The following NLRP8 variants were observed in gnomAD, a reference collection of about 807,000 sequenced individuals.
NLRP8 encodes NLR family pyrin domain containing 8, also known as NACHT, LRR and PYD domains-containing protein 8.
NLRP8 carries 86 observed loss-of-function variants against 88.7 expected under a neutral mutation model. The ratio of observed to expected loss-of-function variants is 0.97; its 90% confidence interval spans 0.81 to 1.16. The LOEUF is 1.16. Among genes scored for constraint, NLRP8 ranks in the 50% most tolerant of loss-of-function variants. The pLI is 0.00. For synonymous variants in NLRP8, 504 were observed against 494.6 expected (o/e 1.02, Z -0.25); for missense variants, 1,342 against 1,286.5 (o/e 1.04, Z -0.66).
chr19:55,976,001 A>C, intron 7 of NLRP8, 132 bp from the exon 8 acceptor site: 2 of 912,880 alleles, frequency 2.2e-6, no homozygotes, highest in Non-Finnish European at 3.1e-6. Flanking sequence ...AAAAACAAAC[A>C]AACAAAACAA....
Position 55,955,420 on chromosome 19 carries a change from G to C in NLRP8, c.1362G>C (p.Leu454=). 1.2e-6 allele frequency: 2 copies of C among 1,614,224 alleles called. No individual in the cohort carries two copies. The highest frequency in any genetic ancestry group is 2.2e-5 in the South Asian group (2 of 91,086). ...TCCACCAAGCACAACTGGAAGGTCT[G>C]TGTCACTTGGCCGCAGACAGCATGT... Residue 454 remains leucine (L), a synonymous_variant, in exon 3 of 10, where the codon CTG becomes CTC. Coordinates refer to ENST00000291971, the MANE Select transcript of NLRP8 (RefSeq NM_176811.2).
chr19:55,972,511 G>A (rs1186642745), intron 6 of NLRP8, among the ~76,000 whole-genome samples: 1 of 151,830 alleles, frequency 6.6e-6, no homozygotes, highest in Non-Finnish European at 1.5e-5. Context: ...TGATTTCTGG[G>A]ATTTTTGCAC....
intron 5 of NLRP8, among the ~76,000 whole-genome samples, chr19:55,968,415 G>A (rs1282270846): frequency 6.6e-6 from 1 of 151,738 alleles, no homozygotes; most frequent in African/African-American, 2.4e-5. Context: ...CTCCAGCCTG[G>A]GCGACAGAGC....
chr19:55,973,837 G>T lies in NLRP8; in HGVS notation c.2705+15G>T, dbSNP rs563739453. 3 of 1,600,902 alleles carry T rather than the reference G, an allele frequency of 1.9e-6. No homozygotes were observed. The highest frequency in any genetic ancestry group is 2.2e-5 in the East Asian group (1 of 44,538). ...CAGAGGCTGGTGTAAGTCCCAGAAT[G>T]TTTTCTTCTCTGAATTCCCTGGAGC... On this transcript the variant is annotated intron_variant, in intron 7 of 9. Coordinates refer to ENST00000291971, the MANE Select transcript of NLRP8 (RefSeq NM_176811.2).
intron 4 of NLRP8, among the ~76,000 whole-genome samples, chr19:55,962,483 G>T (rs1180477316): frequency 2.0e-5 from 3 of 152,170 alleles, no homozygotes; most frequent in African/African-American, 7.2e-5. Context: ...TGCAGTTTTT[G>T]CCATTAGTGA....
At chr19:55,950,780 T>C (rs1386044545) in intron 1 of NLRP8, among the ~76,000 whole-genome samples, 2 of 152,080 alleles carry the variant, frequency 1.3e-5, no homozygotes, top group Non-Finnish European at 2.9e-5. Flanking sequence ...ATCCCAGCAG[T>C]CTGAAAGGCC....
At chr19:55,961,417 A>T (rs1214445824) in intron 3 of NLRP8, among the ~76,000 whole-genome samples, 3 of 152,072 alleles carry the variant, frequency 2.0e-5, no homozygotes, top group Non-Finnish European at 4.4e-5. Context: ...ATATTTTTTT[A>T]AAAAATAAGA....
chr19:55,958,223 G>T (rs935328094), intron 3 of NLRP8, among the ~76,000 whole-genome samples: 1 of 152,154 alleles, frequency 6.6e-6, no homozygotes, highest in African/African-American at 2.4e-5. Context: ...ACTGCTCTGC[G>T]AAAAGGAACC....
At chr19:55,956,285 C>T (rs1218836425) in intron 3 of NLRP8, among the ~76,000 whole-genome samples, 185 bp downstream of exon 3, 1 of 152,060 alleles carries the variant, frequency 6.6e-6, no homozygotes, top group Non-Finnish European at 1.5e-5. Context: ...ACTCTGTTGC[C>T]CAGGCTGGAG....
intron 9 of NLRP8, among the ~76,000 whole-genome samples, chr19:55,981,701 C>G (rs1980579477): frequency 6.6e-6 from 1 of 152,122 alleles, no homozygotes; most frequent in African/African-American, 2.4e-5. Flanking sequence ...AAGGAAATCA[C>G]CTCATGTTTA....
intron 5 of NLRP8, 39 bp downstream of exon 5, chr19:55,966,419 A>G: frequency 1.3e-6 from 2 of 1,596,660 alleles, no homozygotes; most frequent in Non-Finnish European, 1.7e-6. Context: ...GAACCGGGGT[A>G]CCCGGATGGT....
At chr19:55,950,028 T>G (rs1180541448) in intron 1 of NLRP8, among the ~76,000 whole-genome samples, 1 of 151,692 alleles carries the variant, frequency 6.6e-6, no homozygotes, top group Non-Finnish European at 1.5e-5. Flanking sequence ...GAAAAGAAAA[T>G]CAGAGGGGAT....
rs749602148 is a variant in NLRP8 at position 55,979,523 on chromosome 19, C to G, written c.3006C>G (p.Cys1002Trp). 2 of 1,614,026 alleles carry G rather than the reference C, an allele frequency of 1.2e-6. No individual in the cohort carries two copies. The highest frequency in any genetic ancestry group is 1.7e-6 in the Non-Finnish European group (2 of 1,180,016). Residue 1002 changes from cysteine (C) to tryptophan (W), a missense_variant, in exon 9 of 10, where the codon TGC becomes TGG. Cys to Trp is a radical substitution (Grantham distance 215). Transcript: ENST00000291971. The stretch of plus-strand genomic sequence containing the variant: ...GAGTCTATGGTATTCTGACCTTGTG[C>G]GAGGCCTTCTCAAGCCAAAAGAAGA...
At chr19:55,976,793 C>CATATATATGCAT (rs1568468249) in intron 8 of NLRP8, among the ~76,000 whole-genome samples, 3 of 23,484 alleles carry the variant, frequency 1.3e-4, no homozygotes, top group African/African-American at 6.8e-4. Context: ...TATAAAGATA[C>CATATATATGCAT]ATGTGGCCAG....
At chr19:55,987,257 C>G (rs898510809) in intron 9 of NLRP8, among the ~76,000 whole-genome samples, 1 of 152,186 alleles carries the variant, frequency 6.6e-6, no homozygotes, top group Non-Finnish European at 1.5e-5. Flanking sequence ...ATAATCCCAC[C>G]TTCTAGGGAG....
In NLRP8 at chr19:55,955,657, G is replaced by A. The variant is rs2123189902; in HGVS notation, c.1599G>A (p.Leu533=). The A allele has an allele frequency of 6.2e-7, 1 of 1,614,114 alleles. No individual in the cohort carries two copies. Among genetic ancestry groups the A allele is most frequent in the Non-Finnish European group, 8.5e-7 (1 of 1,180,022 alleles). The change falls in exon 3 of 10, where the codon TTG becomes TTA. Residue 533 remains leucine, a synonymous_variant. Transcript: ENST00000291971. Reference sequence around the variant, plus strand: ...AAAGACTCAAAAATTTTCATGTGTTGAGCCACGTGAATATCCAGCGCCTGA... The same window carrying A: ...AAAGACTCAAAAATTTTCATGTGTTAAGCCACGTGAATATCCAGCGCCTGA...
At chr19:55,949,799 G>A (rs1048852885) in intron 1 of NLRP8, among the ~76,000 whole-genome samples, 1 of 152,192 alleles carries the variant, frequency 6.6e-6, no homozygotes, top group African/African-American at 2.4e-5. Flanking sequence ...GAGAGTGGGT[G>A]CCTTACGTCT....
At chr19:55,970,788 G>A (rs1980043472) in intron 6 of NLRP8, 92 bp downstream of exon 6, 7 of 1,527,414 alleles carry the variant, frequency 4.6e-6, no homozygotes, top group African/African-American at 4.1e-5. Context: ...AAGTCATAGG[G>A]AAGGTACATG....
intron 9 of NLRP8, chr19:55,987,711 G>T: frequency 1.3e-6 from 1 of 790,666 alleles, no homozygotes; most frequent in South Asian, 1.5e-5. Context: ...GGTGGGAGGG[G>T]TACGGTCTGT....
Sources: allele counts gnomAD v4.1 joint callset (sites outside exome capture counted in the v4.1 genomes callset), GRCh38; gene constraint gnomAD v4.1.1; transcripts MANE v1.5; gene names NCBI Gene and HGNC (gene_info 2026-07-23, HGNC 2026-07-21).